Variants in PTBP3 observed in about 807,000 individuals in gnomAD.
PTBP3 encodes polypyrimidine tract binding protein 3.
A neutral mutation model predicts 58.7 loss-of-function variants in PTBP3; 20 were observed. That is an observed-to-expected ratio of 0.34 (90% CI 0.24 to 0.50). PTBP3 has a LOEUF of 0.50. Ranked by LOEUF, PTBP3 falls within the 20% of genes least tolerant of loss-of-function variation. The pLI is 0.98. For missense variants in PTBP3, 509 were observed against 637.2 expected (o/e 0.80, Z 2.17); for synonymous variants, 185 against 219.8 (o/e 0.84, Z 1.40).
At chr9:112,231,912 AAGAAG>A (rs1391742980) in intron 9 of PTBP3, among the ~76,000 whole-genome samples, 182 bp downstream of exon 9, 3,428 of 107,344 alleles carry the variant, frequency 0.032, 294 homozygotes, top group Middle Eastern at 0.065. Flanking sequence ...CTGAAAAGAA[AAGAAG>A]AGAAGAGAAG....
chr9:112,290,705 T>TACACACACAC (rs1418787518), intron 2 of PTBP3, among the ~76,000 whole-genome samples: 1,014 of 72,934 alleles, frequency 0.014, 16 homozygotes, highest in African/African-American at 0.04. Flanking sequence ...TATATATATA[T>TACACACACAC]ATACACACAC....
At chr9:112,227,670 A>C (rs763396830) in intron 11 of PTBP3, 43 bp from the exon 12 acceptor site, 3 of 1,376,558 alleles carry the variant, frequency 2.2e-6, no homozygotes, top group African/African-American at 2.9e-5. Flanking sequence ...GTATTAGGAT[A>C]GATTTCTCAG....
chr9:112,350,438 G>A, the PTBP3 span, among the ~76,000 whole-genome samples: 1 of 152,078 alleles, frequency 6.6e-6, no homozygotes, highest in African/African-American at 2.4e-5. Context: ...ATAGTACAGA[G>A]CATTCTTCCA....
intron 5 of PTBP3, among the ~76,000 whole-genome samples, chr9:112,256,278 T>C (rs866071846): frequency 5.3e-5 from 3 of 56,608 alleles, no homozygotes; most frequent in Admixed American, 1.6e-4. Flanking sequence ...ACAAAATATA[T>C]ATATATATAT....
the PTBP3 span, among the ~76,000 whole-genome samples, chr9:112,342,287 C>T: frequency 2.0e-5 from 3 of 152,310 alleles, no homozygotes; most frequent in South Asian, 2.1e-4. Flanking sequence ...GATGGCCTAT[C>T]ATGGAACTTG....
At chr9:112,257,854 T>C (rs4978479) in intron 5 of PTBP3, among the ~76,000 whole-genome samples, 84,637 of 151,312 alleles carry the variant, frequency 0.56, 25,393 homozygotes, top group African/African-American at 0.8. Flanking sequence ...GCAGGAGAAT[T>C]GCTTTAACCC....
Position 112,328,336 on chromosome 9 carries a change from G to A in PTBP3, c.-52+5134C>T, listed in dbSNP as rs183911101. On this transcript the variant is annotated intron_variant, in intron 1 of 13. Coordinates refer to ENST00000374257, the MANE Select transcript of PTBP3 (RefSeq NM_001163788.4). ...GAACAATCTTAGAGAAATTTCTCCA[G>A]ATAATGCATAATTTTACATTCCCAG... Among the ~76,000 whole-genome samples the A allele has an allele frequency of 3.1e-3, 479 of 152,298 alleles. 2 individuals carry two copies. The highest frequency in any genetic ancestry group is 0.02 in the Middle Eastern group (6 of 294).
At chr9:112,370,250 T>C in the PTBP3 span, among the ~76,000 whole-genome samples, 3 of 152,144 alleles carry the variant, frequency 2.0e-5, no homozygotes, top group East Asian at 5.8e-4. Context: ...TTTTAAAATA[T>C]GGAAGTGTGG....
chr9:112,373,024 A>G, the PTBP3 span, among the ~76,000 whole-genome samples: 1 of 32,058 alleles, frequency 3.1e-5, no homozygotes, highest in South Asian at 1.4e-3. Flanking sequence ...CCTTCCAAGT[A>G]GCTGGGACTA....
the PTBP3 span, among the ~76,000 whole-genome samples, chr9:112,339,290 CA>C: frequency 0.38 from 26,430 of 70,338 alleles, 2,193 homozygotes; most frequent in South Asian, 0.46. Flanking sequence ...GACTCTGTCT[CA>C]AAAAAAAAAA....
chr9:112,376,404 C>T, the PTBP3 span, among the ~76,000 whole-genome samples: 1 of 151,590 alleles, frequency 6.6e-6, no homozygotes, highest in Admixed American at 6.6e-5. Flanking sequence ...CAGGTGTGTG[C>T]TACCACGCCC....
chr9:112,279,437 T>C (rs1415279609), intron 2 of PTBP3, among the ~76,000 whole-genome samples: 1 of 152,168 alleles, frequency 6.6e-6, no homozygotes, highest in Non-Finnish European at 1.5e-5. Context: ...TAGAAGAATC[T>C]GTCAGGAAAA....
At chr9:112,276,197 A>G (rs1827603409) in intron 2 of PTBP3, among the ~76,000 whole-genome samples, 184 bp from the exon 3 acceptor site, 1 of 152,216 alleles carries the variant, frequency 6.6e-6, no homozygotes. Context: ...TTTAATAAAC[A>G]GGTGCTTTTG....
chr9:112,312,605 G>C (rs979362899), intron 1 of PTBP3, among the ~76,000 whole-genome samples: 8 of 139,508 alleles, frequency 5.7e-5, no homozygotes, highest in African/African-American at 2.2e-4. Flanking sequence ...ATGAAAAATG[G>C]TGCAAATATG....
the PTBP3 span, among the ~76,000 whole-genome samples, chr9:112,375,956 T>C: frequency 6.6e-6 from 1 of 151,988 alleles, no homozygotes; most frequent in Non-Finnish European, 1.5e-5. Context: ...TCCACTGTGA[T>C]TCATTTATGG....
the PTBP3 span, among the ~76,000 whole-genome samples, chr9:112,355,630 T>TC: frequency 6.7e-6 from 1 of 150,038 alleles, no homozygotes; most frequent in Non-Finnish European, 1.5e-5. Context: ...TCTTTTTTTT[T>TC]TTTTTTTTTT....
chr9:112,375,751 G>C, the PTBP3 span, among the ~76,000 whole-genome samples: 1 of 152,118 alleles, frequency 6.6e-6, no homozygotes, highest in Non-Finnish European at 1.5e-5. Flanking sequence ...TGCTGTGCAC[G>C]ACCCACTTTA....
At chr9:112,267,942 T>C (rs1007212853) in intron 4 of PTBP3, 107 bp downstream of exon 4, 5 of 1,045,036 alleles carry the variant, frequency 4.8e-6, no homozygotes, top group African/African-American at 3.2e-5. Flanking sequence ...ACTAGTAAAG[T>C]ATCCTAAAAT....
the PTBP3 span, among the ~76,000 whole-genome samples, chr9:112,372,888 T>C: frequency 2.0e-5 from 3 of 151,848 alleles, no homozygotes; most frequent in African/African-American, 7.3e-5. Flanking sequence ...TTCCTTGAAT[T>C]CATAGGCTTT....
Sources: allele counts gnomAD v4.1 joint callset (sites outside exome capture counted in the v4.1 genomes callset), GRCh38; gene constraint gnomAD v4.1.1; transcripts MANE v1.5; gene names NCBI Gene and HGNC (gene_info 2026-07-23, HGNC 2026-07-21).